GPC6: variants seen among roughly 807,000 people sequenced by gnomAD.
GPC6 encodes the protein glypican-6.
Under a neutral mutation model 55.2 loss-of-function variants are expected in GPC6, and 14 were observed. The ratio of observed to expected loss-of-function variants is 0.25; its 90% CI spans 0.17 to 0.40. The LOEUF is 0.40. Ranked by LOEUF, GPC6 falls within the 10% of genes least tolerant of loss-of-function variation. GPC6 has a pLI of 1.00. For synonymous variants in GPC6, 278 were observed against 259.6 expected (o/e 1.07, Z -0.68); for missense variants, 641 against 708.5 (o/e 0.90, Z 1.08).
intron 1 of GPC6, among the ~76,000 whole-genome samples, chr13:93,294,608 T>G (rs916077145): frequency 3.3e-5 from 5 of 152,170 alleles, no homozygotes; most frequent in Non-Finnish European, 5.9e-5. Flanking sequence ...AGGCATTGCC[T>G]GTCTCGAAGT....
At chr13:93,243,122 G>T (rs1018818413) in intron 1 of GPC6, among the ~76,000 whole-genome samples, 1 of 152,194 alleles carries the variant, frequency 6.6e-6, no homozygotes, top group South Asian at 2.1e-4. Context: ...TGGCAAAAAA[G>T]CTCTCCTTGA....
chr13:93,894,400 T>G (rs1299961055), intron 3 of GPC6, among the ~76,000 whole-genome samples: 1 of 152,224 alleles, frequency 6.6e-6, no homozygotes, highest in Non-Finnish European at 1.5e-5. Flanking sequence ...TGCTGAATTA[T>G]TAACCTATTA....
chr13:93,389,864 C>T (rs919984733), intron 1 of GPC6, among the ~76,000 whole-genome samples: 3 of 151,994 alleles, frequency 2.0e-5, no homozygotes, highest in Non-Finnish European at 4.4e-5. Context: ...TACATTTAAT[C>T]ATTGACTGCC....
chr13:94,401,944 T>TGATTGATTGATAGATAGATA (rs879527236), intron 8 of GPC6, among the ~76,000 whole-genome samples: 2 of 149,748 alleles, frequency 1.3e-5, no homozygotes, highest in African/African-American at 4.9e-5. Flanking sequence ...ATTGATTGAT[T>TGATTGATTGATAGATAGATA]GATAGATAGA....
chr13:93,421,594 G>A (rs1876926365), intron 1 of GPC6, among the ~76,000 whole-genome samples: 2 of 152,022 alleles, frequency 1.3e-5, no homozygotes, highest in Admixed American at 1.3e-4. Flanking sequence ...TTTAAGTGGT[G>A]TATAATGCAA....
At chr13:93,224,197 CTTTT>C (rs34332669), upstream of GPC6, among the ~76,000 whole-genome samples, 1 of 133,574 alleles carries the variant, frequency 7.5e-6, no homozygotes, top group Non-Finnish European at 1.6e-5. Flanking sequence ...CGCGCCCGGC[CTTTT>C]TTTTTTTTTT....
At chr13:93,565,778 T>C (rs1876071266) in intron 2 of GPC6, among the ~76,000 whole-genome samples, 1 of 151,814 alleles carries the variant, frequency 6.6e-6, no homozygotes, top group Non-Finnish European at 1.5e-5. Context: ...AAAAATTAGC[T>C]GGGCTTAGTG....
At chr13:93,430,773 T>C (rs921114001) in intron 1 of GPC6, among the ~76,000 whole-genome samples, 1 of 152,170 alleles carries the variant, frequency 6.6e-6, no homozygotes, top group Non-Finnish European at 1.5e-5. Flanking sequence ...TTATACAGTT[T>C]TATGTGTATA....
chr13:94,331,700 C>T (rs1176879156), intron 6 of GPC6, among the ~76,000 whole-genome samples: 2 of 152,048 alleles, frequency 1.3e-5, no homozygotes, highest in African/African-American at 4.8e-5. Context: ...AGAAAGGATC[C>T]TAGTATGAAA....
chr13:94,102,784 A>G (rs112701691), intron 4 of GPC6, among the ~76,000 whole-genome samples: 2,119 of 152,332 alleles, frequency 0.014, 45 homozygotes, highest in African/African-American at 0.049. Flanking sequence ...TATTAAAATG[A>G]GAGTCAGAGG....
intron 1 of GPC6, among the ~76,000 whole-genome samples, chr13:93,464,523 A>G (rs1594188736): frequency 6.6e-6 from 1 of 152,188 alleles, no homozygotes; most frequent in African/African-American, 2.4e-5. Context: ...GCTCACCCAT[A>G]AGAAGCAACT....
chr13:93,272,067 AT>A (rs542649007), intron 1 of GPC6, among the ~76,000 whole-genome samples: 168 of 151,112 alleles, frequency 1.1e-3, no homozygotes, highest in African/African-American at 3.9e-3. Context: ...GAGGTAGTTA[AT>A]TTTTTTTTCG....
chr13:94,030,016 T>C (rs1456384300), intron 4 of GPC6, among the ~76,000 whole-genome samples: 1 of 151,784 alleles, frequency 6.6e-6, no homozygotes, highest in Non-Finnish European at 1.5e-5. Context: ...TTTTTTTTTT[T>C]TTTTGAGAGG....
intron 4 of GPC6, among the ~76,000 whole-genome samples, chr13:94,196,840 A>AT (rs1210268859): frequency 6.6e-6 from 1 of 152,222 alleles, no homozygotes; most frequent in Non-Finnish European, 1.5e-5. Context: ...TTTAACCTCA[A>AT]TTAAATGCAA....
At chr13:93,589,916 A>G (rs1877384422) in intron 2 of GPC6, among the ~76,000 whole-genome samples, 1 of 152,318 alleles carries the variant, frequency 6.6e-6, no homozygotes, top group East Asian at 1.9e-4. Context: ...TTTGAGAGCA[A>G]ATCATTTATA....
chr13:94,069,094 C>G (rs567140102), intron 4 of GPC6, among the ~76,000 whole-genome samples: 1 of 152,334 alleles, frequency 6.6e-6, no homozygotes, highest in African/African-American at 2.4e-5. Flanking sequence ...CTGCAGCAAA[C>G]TTCTGCCTGG....
At chr13:93,356,274 C>G (rs1880846210) in intron 1 of GPC6, among the ~76,000 whole-genome samples, 1 of 152,168 alleles carries the variant, frequency 6.6e-6, no homozygotes, top group African/African-American at 2.4e-5. Context: ...TTAAGCAATA[C>G]ATTCTGAGAT....
chr13:94,376,535 C>T (rs1404317789), intron 6 of GPC6, among the ~76,000 whole-genome samples: 2 of 151,192 alleles, frequency 1.3e-5, no homozygotes, highest in Non-Finnish European at 3.0e-5. Flanking sequence ...AACCACTGCT[C>T]AAGGAAATAA....
chr13:93,990,766 G>A (rs61099114), intron 3 of GPC6, among the ~76,000 whole-genome samples: 2,628 of 151,772 alleles, frequency 0.017, 72 homozygotes, highest in African/African-American at 0.058. Flanking sequence ...GGGAAGCTGA[G>A]GCATGAGGAT....
Sources: allele counts gnomAD v4.1 joint callset (sites outside exome capture counted in the v4.1 genomes callset), GRCh38; gene constraint gnomAD v4.1.1; transcripts MANE v1.5; gene names NCBI Gene and HGNC (gene_info 2026-07-23, HGNC 2026-07-21).